Variants in NPHP4 observed in about 807,000 individuals in gnomAD.
The protein encoded by NPHP4 is nephrocystin 4.
Under a neutral mutation model 155.8 loss-of-function variants are expected in NPHP4, and 151 were observed. The observed-to-expected ratio is 0.97, with a 90% CI of 0.85 to 1.11. The LOEUF (loss-of-function observed/expected upper bound fraction) is 1.11. Ranked by LOEUF, NPHP4 falls within the 50% of genes least tolerant of loss-of-function variation. NPHP4 has a pLI of 0.00. For missense variants in NPHP4, 1,956 were observed against 1,925.7 expected (o/e 1.02, Z -0.29); for synonymous variants, 845 against 816.8 (o/e 1.03, Z -0.59).
intron 26 of NPHP4, chr1:5,865,496 C>A (rs1570044861): frequency 6.4e-6 from 3 of 466,620 alleles, no homozygotes; most frequent in Non-Finnish European, 1.1e-5. Context: ...CCCCTGGCTG[C>A]CCATCTCCCA....
At chr1:5,922,972 G>C (rs1159770691) in intron 11 of NPHP4, among the ~76,000 whole-genome samples, 1 of 152,220 alleles carries the variant, frequency 6.6e-6, no homozygotes, top group Non-Finnish European at 1.5e-5. Context: ...ACTCCAGCCA[G>C]AGCAACGAAG....
intron 12 of NPHP4, 38 bp downstream of exon 12, chr1:5,909,114 T>C (rs531283093): frequency 1.4e-5 from 21 of 1,507,554 alleles, no homozygotes; most frequent in African/African-American, 2.7e-5. Context: ...TAATTGACTC[T>C]GGAATTCTGA....
intron 11 of NPHP4, among the ~76,000 whole-genome samples, chr1:5,917,885 T>C (rs145662975): frequency 6.6e-6 from 1 of 152,304 alleles, no homozygotes; most frequent in African/African-American, 2.4e-5. Context: ...GAGCCGTAAC[T>C]GATGGTACAA....
Position 5,910,911 on chromosome 1 carries a change from T to C in NPHP4, c.1442-1698A>G, listed in dbSNP as rs569378068. ...CAAGGCCAGAGGGAGCCCCCAACCC[T>C]CAGAGGATCCAACTGCCCAGCCTGG... On this transcript the variant is annotated intron_variant, in intron 11 of 29. Transcript: ENST00000378156. The surrounding 1 kb of genome is among the most constrained non-coding windows in gnomAD (Gnocchi z 5.4). 6.6e-5 allele frequency among the ~76,000 whole-genome samples: 10 copies of C among 152,226 alleles called. No homozygotes were observed. The East Asian group carries it at 1.9e-3, about 29-fold the overall frequency.
At position 5,873,286 on chromosome 1, in the gene NPHP4, C is replaced by G; in HGVS notation, c.3281G>C (p.Trp1094Ser). 1 of 1,613,960 alleles carries G rather than the reference C, an allele frequency of 6.2e-7. No individual in the cohort carries two copies. The highest frequency in any genetic ancestry group is 8.5e-7 in the Non-Finnish European group (1 of 1,179,860). Residue 1094 changes from tryptophan (W) to serine (S), a missense_variant, in exon 23 of 30, where the codon TGG becomes TCG. Trp to Ser is a radical substitution (Grantham distance 177, BLOSUM62 -3). Transcript: ENST00000378156. ...TTTAGTGGGCACTGCGCTGGACTTCCAAGGTGACACGGCGTCCATGCCCTT... is the reference window on the plus strand; with the variant it reads ...TTTAGTGGGCACTGCGCTGGACTTCGAAGGTGACACGGCGTCCATGCCCTT... ...NEKGMDAVSP[W>S]KSSAVPTKHA... is the part of the protein sequence containing the mutation.
intron 18 of NPHP4, chr1:5,881,198 T>C (rs932213021): frequency 6.6e-6 from 1 of 152,336 alleles, no homozygotes; most frequent in Non-Finnish European, 1.5e-5. Context: ...GCCAGGTTCC[T>C]TCCCCTCTTG....
intron 1 of NPHP4, among the ~76,000 whole-genome samples, chr1:5,987,306 G>A (rs1248525575): frequency 6.6e-6 from 1 of 152,132 alleles, no homozygotes; most frequent in Non-Finnish European, 1.5e-5. Flanking sequence ...AACTAAAATG[G>A]CGAGTAAGGA....
intron 3 of NPHP4, among the ~76,000 whole-genome samples, chr1:5,976,997 C>A (rs1437930307): frequency 6.6e-6 from 1 of 152,168 alleles, no homozygotes; most frequent in East Asian, 1.9e-4. Flanking sequence ...CAATACCAGG[C>A]CTCTTGGGGC....
rs749046699 is a variant in NPHP4, at chr1:5,874,856, G to A, written c.3044+18C>T. 1 of 1,606,396 alleles carries A rather than the reference G, an allele frequency of 6.2e-7. No individual in the cohort carries two copies. The highest frequency in any genetic ancestry group is 8.5e-7 in the Non-Finnish European group (1 of 1,173,404). ...ACAGATCTGGGCTGGGGCAGGACGGGCACCACTGAGACCTCACCTGAGCTC... is the reference window on the plus strand; with the variant it reads ...ACAGATCTGGGCTGGGGCAGGACGGACACCACTGAGACCTCACCTGAGCTC... On this transcript the variant is annotated intron_variant, in intron 21 of 29. Transcript: ENST00000378156.
intron 9 of NPHP4, among the ~76,000 whole-genome samples, chr1:5,940,635 CAAAAT>C (rs1646771168): frequency 6.6e-6 from 1 of 151,894 alleles, no homozygotes; most frequent in Non-Finnish European, 1.5e-5. Flanking sequence ...TCTACAAAAA[CAAAAT>C]AAAAACACAG....
chr1:5,868,579 C>T (rs1487173954), intron 23 of NPHP4, among the ~76,000 whole-genome samples: 1 of 151,430 alleles, frequency 6.6e-6, no homozygotes, highest in African/African-American at 2.4e-5. Context: ...CATACACATA[C>T]ACATACATGC....
At chr1:5,908,743 A>T (rs115703267) in intron 12 of NPHP4, among the ~76,000 whole-genome samples, 1,635 of 152,338 alleles carry the variant, frequency 0.011, 26 homozygotes, top group African/African-American at 0.037. Context: ...CTTGGCCGAC[A>T]GGGCCAGGGG....
Position 5,863,396 on chromosome 1 carries a change from C to T in NPHP4, c.4150G>A (p.Gly1384Arg), listed in dbSNP as rs774475566. 8.7e-6 allele frequency: 14 copies of T among 1,600,014 alleles called. No homozygotes were observed. Among genetic ancestry groups the T allele is most frequent in the African/African-American group, 4.1e-5 (3 of 73,480 alleles). Residue 1384 changes from glycine to arginine, a missense_variant, in exon 30 of 30, where the codon GGA (glycine) becomes AGA (arginine). Gly to Arg is a moderately radical substitution (Grantham distance 125). Transcript: ENST00000378156. ...FREDSFQVGG[G>R]ETYTIGLQFA... ...TGCAAGCCGATGGTGTAGGTCTCTC[C>T]ACCCCCGACCTGGAAATAAGCATCC...
At chr1:5,964,635 G>A (rs537828781) in intron 5 of NPHP4, among the ~76,000 whole-genome samples, 60 of 152,060 alleles carry the variant, frequency 3.9e-4, no homozygotes, top group African/African-American at 1.1e-3. Flanking sequence ...CAGGGAGAAG[G>A]TGCCTTTAAA....
At chr1:5,966,893 C>T (rs1028773896) in intron 5 of NPHP4, among the ~76,000 whole-genome samples, 7 of 152,248 alleles carry the variant, frequency 4.6e-5, no homozygotes, top group African/African-American at 1.2e-4. Context: ...AGCTCCCCGC[C>T]GACCCCTGCT....
chr1:5,886,589 C>G (rs1173575536), intron 18 of NPHP4: 1 of 152,254 alleles, frequency 6.6e-6, no homozygotes, highest in East Asian at 1.9e-4. Context: ...GTTCAGTGAG[C>G]TTGTCACTGG....
rs568568929 is a variant in NPHP4 at position 5,879,227 on chromosome 1, C to T, written c.2611+887G>A. On this transcript the variant is annotated intron_variant, in intron 19 of 29. Coordinates refer to ENST00000378156, the MANE Select transcript of NPHP4 (RefSeq NM_015102.5). ...AGGCCCAGCAACACACAAAAGCGCA[C>T]GGCAGCTGTGAATTCACACAGATGA... 41 of 255,428 alleles carry T rather than the reference C, an allele frequency of 1.6e-4. No individual in the cohort carries two copies. The South Asian group carries it at 1.6e-3, about 10-fold the overall frequency. The allele number at this position is 255,428 out of a possible 1,614,324, so 15.8% of individuals were successfully genotyped here. A position where few individuals can be genotyped will look rare whatever the true frequency, so the allele number is the denominator to read the frequency against.
At position 5,867,358 on chromosome 1, in the gene NPHP4, G is replaced by A. The variant is rs998156190; in HGVS notation, c.3473-243C>T. ...GCAGCCATCTCCACAGGGAATAATC[G>A]AGGGGGCCACAAAAAAGAAAACACA... is the stretch of plus-strand genomic sequence containing the variant. On this transcript the variant is annotated intron_variant, in intron 24 of 29. Coordinates refer to ENST00000378156, the MANE Select transcript of NPHP4 (RefSeq NM_015102.5). This position sits in a 1 kb window ranked among gnomAD's most constrained non-coding sequence, Gnocchi z 4.1. 13 of 551,442 alleles carry A rather than the reference G, an allele frequency of 2.4e-5. No homozygotes were observed. The highest frequency in any genetic ancestry group is 1.7e-4 in the African/African-American group (9 of 53,076). The allele number at this position is 551,442 out of a possible 1,614,324, so 34.2% of individuals were successfully genotyped here.
chr1:5,869,417 T>C (rs369695946), intron 23 of NPHP4, among the ~76,000 whole-genome samples: 2 of 151,704 alleles, frequency 1.3e-5, no homozygotes, highest in East Asian at 3.9e-4. Context: ...AAGGAGAGAG[T>C]GGGGCAGGGC....
Sources: allele counts gnomAD v4.1 joint callset (sites outside exome capture counted in the v4.1 genomes callset), GRCh38; gene constraint gnomAD v4.1.1; non-coding constraint Gnocchi (gnomAD v3.1); transcripts MANE v1.5; gene names NCBI Gene and HGNC (gene_info 2026-07-23, HGNC 2026-07-21).